ZZEF1: variants seen among roughly 807,000 people sequenced by gnomAD.
The protein encoded by ZZEF1 is zinc finger ZZ-type and EF-hand domain-containing protein 1.
In ZZEF1, 157 loss-of-function variants were observed where a neutral mutation model predicts 342.8. That is an observed-to-expected ratio of 0.46 (90% CI 0.40 to 0.52). ZZEF1 has a LOEUF of 0.52. Ranked by LOEUF, ZZEF1 falls within the 20% of genes least tolerant of loss-of-function variation. ZZEF1 has a pLI of 0.00. For missense variants in ZZEF1, 3,480 were observed against 3,725.6 expected (o/e 0.93, Z 1.72); for synonymous variants, 1,505 against 1,429.1 (o/e 1.05, Z -1.20).
At position 4,064,404 on chromosome 17, in the gene ZZEF1, C is replaced by T; in HGVS notation, c.4675G>A (p.Asp1559Asn). 1.2e-6 allele frequency: 2 copies of T among 1,608,010 alleles called. No individual in the cohort carries two copies. Among genetic ancestry groups the T allele is most frequent in the Non-Finnish European group, 1.7e-6 (2 of 1,175,028 alleles). ...TVKEKYPVLK[D>N]VMDFIKDQSL... ...TGATCCTTAATGAAGTCCATGACGT[C>T]CTTCAGCACAGGGTATTTCTCTTTC... Residue 1559 changes from aspartate to asparagine, a missense_variant, in exon 29 of 55, where the codon GAC becomes AAC. This residue lies in a region of ZZEF1 where 1,528 missense variants were observed against 1,624.1 expected (regional missense o/e 0.94). Transcript: ENST00000381638.
Position 4,013,587 on chromosome 17 carries a change from G to C in ZZEF1, c.8441C>G (p.Ser2814Ter). 1 of 1,613,140 alleles carries C rather than the reference G, an allele frequency of 6.2e-7. No homozygotes were observed. Among genetic ancestry groups the C allele is most frequent in the Middle Eastern group, 1.7e-4 (1 of 6,060 alleles). Reference sequence around the variant, plus strand: ...GAGATGAGGCACGACCCTTTCTTCTGACAACATCTGCTTCAAAATCTCGAA... The same window carrying C: ...GAGATGAGGCACGACCCTTTCTTCTCACAACATCTGCTTCAAAATCTCGAA... ...TGFEILKQML[S>*]EERVVPHLPL... The change falls in exon 52 of 55, where the codon TCA becomes TGA. Residue 2814 changes from serine to a stop codon, truncating the protein, a stop_gained. Transcript: ENST00000381638. LOFTEE classifies it high-confidence loss of function.
Position 4,024,932 on chromosome 17 carries a change from T to G in ZZEF1, c.7079A>C (p.Tyr2360Ser). Residue 2360 changes from tyrosine (Y) to serine (S), a missense_variant, in exon 43 of 55, where the codon TAT becomes TCT. Physicochemically the swap from Tyr to Ser is moderately radical, Grantham distance 144. This residue lies in a region of ZZEF1 where 1,269 missense variants were observed against 1,342.4 expected (regional missense o/e 0.95). Coordinates refer to ENST00000381638, the MANE Select transcript of ZZEF1 (RefSeq NM_015113.4). ...GCTCCCCATTACCTTTAGTGTTTTA[T>G]ACAATCCTTTCAGGGCCAGGGACAG... ...WVLSLALKGL[Y>S]KTLKAHGFEE... 1 of 1,614,240 alleles carries G rather than the reference T, an allele frequency of 6.2e-7. No homozygotes were observed. The highest frequency in any genetic ancestry group is 8.5e-7 in the Non-Finnish European group (1 of 1,180,032).
At position 4,017,362 on chromosome 17, in the gene ZZEF1, C is replaced by T; in HGVS notation, c.8001+9G>A. ...GGTGGGTGAGCACAAGCTCAGTCTG[C>T]ATAACTACCTTCTCCCACTCATGCT... On this transcript the variant is annotated intron_variant, in intron 48 of 54. Transcript: ENST00000381638. This position sits in a 1 kb window ranked among gnomAD's most constrained non-coding sequence, Gnocchi z 5.1. The T allele has an allele frequency of 6.3e-7, 1 of 1,578,992 alleles. No homozygotes were observed. Among genetic ancestry groups the T allele is most frequent in the East Asian group, 2.3e-5 (1 of 44,388 alleles).
At chr17:4,021,863 A>G (rs1172467792) in intron 44 of ZZEF1, among the ~76,000 whole-genome samples, 2 of 152,222 alleles carry the variant, frequency 1.3e-5, no homozygotes, top group African/African-American at 4.8e-5. Flanking sequence ...AAATGCATAG[A>G]AACAAAACGA....
chr17:4,056,224 G>C lies in ZZEF1; in HGVS notation c.5287C>G (p.Gln1763Glu), dbSNP rs1567799779. 1.3e-6 allele frequency: 2 copies of C among 1,586,094 alleles called. No homozygotes were observed. The highest frequency in any genetic ancestry group is 2.3e-5 in the East Asian group (1 of 43,318). The change falls in exon 33 of 55, where the codon CAG (glutamine) becomes GAG (glutamate). Residue 1763 changes from glutamine (Q) to glutamate (E), a missense_variant. Transcript: ENST00000381638. ...TAGTTGAGAGGTCTTACTTTCCTCT[G>C]CTTCTCTGGATCTTCCTGGGCTATT... ...EKIAQEDPEK[Q>E]RKMHMFIARY...
rs746866506 is a variant in ZZEF1, at chr17:4,017,454, T to G, written c.7918A>C (p.Ile2640Leu). ...TGGGCAGGGCCACTGAGCTCCAGGA[T>G]GTCCTCGCTCACTGGCACGTGGCTA... ...WPSHVPVSED[I>L]LELSGPAHMT... The change falls in exon 48 of 55, where the codon ATC (isoleucine) becomes CTC (leucine). Residue 2640 changes from isoleucine to leucine, a missense_variant. Physicochemically the swap from Ile to Leu is conservative, Grantham distance 5. Transcript: ENST00000381638. This position sits in a 1 kb window ranked among gnomAD's most constrained non-coding sequence, Gnocchi z 5.1. 18 of 1,614,192 alleles carry G rather than the reference T, an allele frequency of 1.1e-5. No homozygotes were observed. Among genetic ancestry groups the G allele is most frequent in the Non-Finnish European group, 1.5e-5 (18 of 1,180,010 alleles).
At chr17:4,007,830 G>A (rs911126953) in intron 54 of ZZEF1, among the ~76,000 whole-genome samples, 3 of 152,068 alleles carry the variant, frequency 2.0e-5, no homozygotes, top group Non-Finnish European at 2.9e-5. Flanking sequence ...GCAAAAGGGC[G>A]GTGTGTTCGG....
chr17:4,026,889 C>A (rs552400239), intron 42 of ZZEF1, among the ~76,000 whole-genome samples: 1 of 152,046 alleles, frequency 6.6e-6, no homozygotes, highest in Admixed American at 6.6e-5. Flanking sequence ...TTTTACCTGG[C>A]AAAATTATCT....
rs140884770 is a variant in ZZEF1 at position 4,142,665 on chromosome 17, G to A, written c.231C>T (p.Arg77=). 3 of 1,607,290 alleles carry A rather than the reference G, an allele frequency of 1.9e-6. No homozygotes were observed. Among genetic ancestry groups the A allele is most frequent in the African/African-American group, 2.7e-5 (2 of 74,908 alleles). ...PPCESLVSRH[R]GALFRWLEER... ...CTTCCAGCCAGCGAAACAACGCGCC[G>A]CGATGCCTCGACACCAGCGACTCGC... Residue 77 remains arginine (R), a synonymous_variant, in exon 1 of 55, where the codon CGC becomes CGT. Coordinates refer to ENST00000381638, the MANE Select transcript of ZZEF1 (RefSeq NM_015113.4).
chr17:4,042,390 A>T (rs2056821476), intron 39 of ZZEF1, 39 bp downstream of exon 39: 1 of 1,591,074 alleles, frequency 6.3e-7, no homozygotes, highest in South Asian at 1.2e-5. Context: ...TCTTCTATGC[A>T]TACCACCACC....
At chr17:4,070,197 T>C (rs1369547149) in intron 26 of ZZEF1, among the ~76,000 whole-genome samples, 1 of 152,236 alleles carries the variant, frequency 6.6e-6, no homozygotes, top group Non-Finnish European at 1.5e-5. Flanking sequence ...TAATAGTTAA[T>C]ACCTACAGCT....
At chr17:4,134,814 G>A (rs1459134427) in intron 1 of ZZEF1, among the ~76,000 whole-genome samples, 10 of 152,092 alleles carry the variant, frequency 6.6e-5, no homozygotes, top group African/African-American at 2.2e-4. Context: ...AGGGAGGGGC[G>A]TTAGGGGAAA....
intron 33 of ZZEF1, among the ~76,000 whole-genome samples, chr17:4,054,441 C>T (rs564785851): frequency 1.3e-5 from 2 of 152,208 alleles, no homozygotes; most frequent in Admixed American, 6.5e-5. Context: ...ACTATGGCTA[C>T]CAATGGGTAT....
intron 9 of ZZEF1, among the ~76,000 whole-genome samples, chr17:4,097,177 C>T (rs942674981): frequency 6.6e-5 from 10 of 151,100 alleles, no homozygotes; most frequent in African/African-American, 2.4e-5. Context: ...AGGAGAATGG[C>T]GTGAACCCGG....
At chr17:4,123,013 A>G (rs1197379461) in intron 2 of ZZEF1, among the ~76,000 whole-genome samples, 1 of 144,322 alleles carries the variant, frequency 6.9e-6, no homozygotes, top group African/African-American at 2.6e-5. Context: ...TCCGCCTCCC[A>G]GGTTAACGCC....
rs1448821297 is a variant in ZZEF1, at chr17:4,021,932, G to GT, written c.7213-613_7213-612insA. Among the ~76,000 whole-genome samples, 325 of 149,794 alleles carry GT rather than the reference G, an allele frequency of 2.2e-3. 1 individual carries two copies. The highest frequency in any genetic ancestry group is 3.4e-3 in the Admixed American group (51 of 15,046). ...TGTGTTTGGAATATAGAGTTTGGAG[G>GT]GTTTTTTTTTTTCTTTTATAAAGTT... is the stretch of plus-strand genomic sequence containing the variant. On this transcript the variant is annotated intron_variant, in intron 44 of 54. Transcript: ENST00000381638.
intron 2 of ZZEF1, among the ~76,000 whole-genome samples, chr17:4,122,637 G>A (rs747715243): frequency 2.6e-5 from 4 of 152,052 alleles, no homozygotes; most frequent in Non-Finnish European, 4.4e-5. Flanking sequence ...CGCCTACCTC[G>A]GCCTCCCCAA....
Position 4,142,822 on chromosome 17 carries a change from T to C in ZZEF1, c.74A>G (p.Gln25Arg), listed in dbSNP as rs1207895142. 2 of 1,407,762 alleles carry C rather than the reference T, an allele frequency of 1.4e-6. No homozygotes were observed. The highest frequency in any genetic ancestry group is 3.0e-5 in the African/African-American group (2 of 66,034). 87.2% of individuals were successfully genotyped at this position (1,407,762 alleles called of 1,614,324 possible). Reference protein sequence around the residue: ...AAGGEGWGPHQDWAAVSGTTP... With the variant: ...AAGGEGWGPHRDWAAVSGTTP... ...CGTGCCCGAGACCGCGGCCCAGTCC[T>C]GGTGTGGGCCCCAGCCCTCGCCACC... Residue 25 changes from glutamine to arginine, a missense_variant, in exon 1 of 55, where the codon CAG (glutamine) becomes CGG (arginine). Around this residue, in one of 5 missense-constraint regions of ZZEF1, gnomAD observed 416 missense variants for 374.2 expected, o/e 1.11. Coordinates refer to ENST00000381638, the MANE Select transcript of ZZEF1 (RefSeq NM_015113.4).
In ZZEF1 at chr17:4,127,858, G is replaced by C. The variant is rs147488545; in HGVS notation, c.355-3807C>G. On this transcript the variant is annotated intron_variant, in intron 1 of 54. Transcript: ENST00000381638. Reference sequence around the variant, plus strand: ...TTCTCTGGGGAACCTGGTAAACTCAGGGAACGCACCTATAGCCGCCAACAC... The same window carrying C: ...TTCTCTGGGGAACCTGGTAAACTCACGGAACGCACCTATAGCCGCCAACAC... Among the ~76,000 whole-genome samples the C allele has an allele frequency of 8.7e-4, 133 of 152,312 alleles. 1 individual carries two copies. Among genetic ancestry groups the C allele is most frequent in the African/African-American group, 2.9e-3 (122 of 41,568 alleles).
Sources: gnomAD v4.1 joint callset for allele counts (sites outside exome capture counted in the v4.1 genomes callset) on GRCh38, gnomAD v4.1.1 for gene constraint, gnomAD v4.1.1 regional missense constraint, Gnocchi (gnomAD v3.1) non-coding constraint, MANE v1.5 for transcripts, NCBI Gene and HGNC (gene_info 2026-07-23, HGNC 2026-07-21) for gene names.